The following SCAP variants were observed in gnomAD, a reference collection of about 807,000 sequenced individuals.
The protein encoded by SCAP is SREBF chaperone, also known as sterol regulatory element-binding protein cleavage-activating protein.
A neutral mutation model predicts 123.6 loss-of-function variants in SCAP; 65 were observed. The observed-to-expected ratio is 0.53, with a 90% CI of 0.43 to 0.65. The LOEUF is 0.65. Ranked by LOEUF, SCAP falls within the 30% of genes least tolerant of loss-of-function variation. The pLI, the probability that SCAP is intolerant of heterozygous loss-of-function variation, is 0.00. For synonymous variants in SCAP, 740 were observed against 726.3 expected (o/e 1.02, Z -0.30); for missense variants, 1,398 against 1,712.5 (o/e 0.82, Z 3.24).
chr3:47,424,309 G>A (rs1311773485), intron 8 of SCAP, among the ~76,000 whole-genome samples: 1 of 152,246 alleles, frequency 6.6e-6, no homozygotes, highest in East Asian at 1.9e-4. Context: ...AGGGCTGGAA[G>A]AGGCCCCTCA....
intron 1 of SCAP, among the ~76,000 whole-genome samples, chr3:47,473,954 G>T (rs760699669): frequency 6.6e-6 from 1 of 152,114 alleles, no homozygotes; most frequent in African/African-American, 2.4e-5. Flanking sequence ...CGTTTTTGCC[G>T]CAACAGCAAA....
At chr3:47,448,272 T>C (rs978680330) in intron 1 of SCAP, among the ~76,000 whole-genome samples, 3 of 152,212 alleles carry the variant, frequency 2.0e-5, no homozygotes, top group Non-Finnish European at 4.4e-5. Flanking sequence ...CACATGTTCA[T>C]TGCTAGTACA....
Position 47,418,212 on chromosome 3 carries a change from A to T in SCAP, c.2369T>A (p.Val790Glu), listed in dbSNP as rs1705720131. 6.4e-7 allele frequency: 1 copy of T among 1,574,220 alleles called. No homozygotes were observed. Among genetic ancestry groups the T allele is most frequent in the Non-Finnish European group, 8.6e-7 (1 of 1,160,650 alleles). The change falls in exon 16 of 23, where the codon GTG (valine) becomes GAG (glutamate). Residue 790 changes from valine to glutamate, a missense_variant. Val to Glu is a moderately radical substitution (Grantham distance 121). Transcript: ENST00000265565. ...GACGTGGCCTGCCAGGCAGCAGCTC[A>T]CCAGCAGCATGCCGTCGCTGGCCAG... ...ECLASDGMLL[V>E]SCCLAGHVCV... is the part of the protein sequence containing the mutation.
rs1489622279 is a variant in SCAP at position 47,414,032 on chromosome 3, C to G, written c.3662G>C (p.Cys1221Ser). Residue 1221 changes from cysteine (C) to serine (S), a missense_variant, in exon 23 of 23, where the codon TGT (cysteine) becomes TCT (serine). By Grantham distance (112) the Cys-to-Ser change is moderately radical. This residue lies in a region of SCAP where 130 missense variants were observed against 166.7 expected (regional missense o/e 0.78). Coordinates refer to ENST00000265565, the MANE Select transcript of SCAP (RefSeq NM_012235.4). Reference sequence around the variant, plus strand: ...GTAGTTTAGGTCCCAAAAGGAGACACAGCCCTGGCCGCCAGTCACCAGCAG... The same window carrying G: ...GTAGTTTAGGTCCCAAAAGGAGACAGAGCCCTGGCCGCCAGTCACCAGCAG... ...DNLLVTGGQG[C>S]VSFWDLNYGD... is the part of the protein sequence containing the mutation. 1 of 1,613,306 alleles carries G rather than the reference C, an allele frequency of 6.2e-7. No individual in the cohort carries two copies. Among genetic ancestry groups the G allele is most frequent in the Admixed American group, 1.7e-5 (1 of 60,026 alleles).
chr3:47,416,281 C>G (rs1397973900), intron 18 of SCAP, among the ~76,000 whole-genome samples: 1 of 152,196 alleles, frequency 6.6e-6, no homozygotes, highest in African/African-American at 2.4e-5. Context: ...ACCCAGGTGG[C>G]TGAGACTCCC....
At chr3:47,438,340 T>C (rs929279974) in intron 2 of SCAP, among the ~76,000 whole-genome samples, 14 of 152,326 alleles carry the variant, frequency 9.2e-5, no homozygotes, top group Middle Eastern at 3.4e-3. Flanking sequence ...TTATTAAGTA[T>C]GTATTATATG....
chr3:47,440,652 C>T (rs1360083163), intron 2 of SCAP, among the ~76,000 whole-genome samples: 1 of 152,196 alleles, frequency 6.6e-6, no homozygotes. Context: ...GAGGGGATCA[C>T]GAGCTCAGGA....
At chr3:47,418,988 G>A in intron 13 of SCAP, 145 bp from the exon 14 acceptor site, 1 of 936,374 alleles carries the variant, frequency 1.1e-6, no homozygotes, top group Middle Eastern at 3.4e-4. Flanking sequence ...TGGGGACAGA[G>A]GTAGGTCCCT....
chr3:47,446,156 G>A (rs1707031463), intron 1 of SCAP, among the ~76,000 whole-genome samples: 3 of 150,870 alleles, frequency 2.0e-5, no homozygotes, highest in Admixed American at 2.0e-4. Context: ...TTACAGGCAT[G>A]GCCACTGCAC....
At chr3:47,442,196 A>C (rs1706835028) in intron 2 of SCAP, among the ~76,000 whole-genome samples, 1 of 152,200 alleles carries the variant, frequency 6.6e-6, no homozygotes, top group Non-Finnish European at 1.5e-5. Flanking sequence ...CTCTTTTCAC[A>C]GCTGTCAGCA....
At position 47,455,695 on chromosome 3, in the gene SCAP, A is replaced by T. The variant is rs575463756; in HGVS notation, c.-98-12604T>A. Among the ~76,000 whole-genome samples, 20 of 152,256 alleles carry T rather than the reference A, an allele frequency of 1.3e-4. No homozygotes were observed. The East Asian group carries it at 3.9e-3, about 29-fold the overall frequency. ...AAAAGAAAAACATGCCACATTCTTAATGAGGAAAAGTCAATATAACGTAAC... is the reference window on the plus strand; with the variant it reads ...AAAAGAAAAACATGCCACATTCTTATTGAGGAAAAGTCAATATAACGTAAC... On this transcript the variant is annotated intron_variant, in intron 1 of 22. Coordinates refer to ENST00000265565, the MANE Select transcript of SCAP (RefSeq NM_012235.4).
upstream of SCAP, among the ~76,000 whole-genome samples, chr3:47,476,316 C>T (rs1470174513): frequency 1.3e-5 from 2 of 152,102 alleles, no homozygotes; most frequent in African/African-American, 2.4e-5. Flanking sequence ...AATTAATTAG[C>T]CGGCTGTGGT....
chr3:47,422,153 G>A (rs896654880), intron 10 of SCAP, among the ~76,000 whole-genome samples: 18 of 152,256 alleles, frequency 1.2e-4, no homozygotes, highest in African/African-American at 4.1e-4. Flanking sequence ...CTGCCACTTG[G>A]CTGAAAGGGA....
At chr3:47,430,397 A>G (rs1224931283) in intron 3 of SCAP, among the ~76,000 whole-genome samples, 2 of 152,200 alleles carry the variant, frequency 1.3e-5, no homozygotes, top group African/African-American at 2.4e-5. Flanking sequence ...GAGCACCCCA[A>G]AACATGCTGG....
rs1374000283 is a variant in SCAP, at chr3:47,429,515, T to C, written c.253-845A>G. 2.0e-5 allele frequency among the ~76,000 whole-genome samples: 3 copies of C among 152,188 alleles called. No homozygotes were observed. In the South Asian group the frequency reaches 6.2e-4, roughly 31 times the overall value. On this transcript the variant is annotated intron_variant, in intron 3 of 22. Coordinates refer to ENST00000265565, the MANE Select transcript of SCAP (RefSeq NM_012235.4). ...GTGTGTGCACCACCACCACGCCTAA[T>C]TTTCAAAAATGTTTTGTAGGGACAG... is the stretch of plus-strand genomic sequence containing the variant.
intron 1 of SCAP, among the ~76,000 whole-genome samples, chr3:47,460,826 G>A (rs1336842374): frequency 6.6e-6 from 1 of 152,202 alleles, no homozygotes; most frequent in African/African-American, 2.4e-5. Context: ...AAAGTGCTGG[G>A]ATTACAGGCG....
chr3:47,444,787 CTT>C (rs111695253), intron 1 of SCAP, among the ~76,000 whole-genome samples: 1 of 133,278 alleles, frequency 7.5e-6, no homozygotes. Flanking sequence ...TACTTCATTA[CTT>C]TTTTTTTTTT....
At chr3:47,451,394 C>CTTT (rs10712274) in intron 1 of SCAP, among the ~76,000 whole-genome samples, 3 of 41,394 alleles carry the variant, frequency 7.2e-5, no homozygotes, top group Middle Eastern at 0.028. Flanking sequence ...CCTGGAATGC[C>CTTT]TTTTTTTTTT....
chr3:47,424,876 G>C (rs537438108), intron 8 of SCAP, among the ~76,000 whole-genome samples: 33 of 152,264 alleles, frequency 2.2e-4, no homozygotes, highest in African/African-American at 7.2e-4. Flanking sequence ...GGCCTAGCCA[G>C]AGCCAAGATC....
Sources: gnomAD v4.1 joint callset for allele counts (sites outside exome capture counted in the v4.1 genomes callset) on GRCh38, gnomAD v4.1.1 for gene constraint, gnomAD v4.1.1 regional missense constraint, MANE v1.5 for transcripts, NCBI Gene and HGNC (gene_info 2026-07-23, HGNC 2026-07-21) for gene names.